BIVM: variants seen among roughly 807,000 people sequenced by gnomAD.
BIVM encodes the protein basic, immunoglobulin-like variable motif containing, also known as basic immunoglobulin-like variable motif-containing protein.
BIVM carries 31 observed loss-of-function variants against 61.4 expected under a neutral mutation model. The observed-to-expected ratio is 0.51, with a 90% CI of 0.38 to 0.68. The LOEUF (loss-of-function observed/expected upper bound fraction) is 0.68. Among genes scored for constraint, BIVM ranks in the 30% least tolerant of loss-of-function variants. BIVM has a pLI of 0.00. For missense variants in BIVM, 526 were observed against 596.0 expected (o/e 0.88, Z 1.22); for synonymous variants, 189 against 210.7 (o/e 0.90, Z 0.89).
At chr13:102,820,177 C>T (rs1226289042) in intron 4 of BIVM, among the ~76,000 whole-genome samples, 1 of 151,842 alleles carries the variant, frequency 6.6e-6, no homozygotes, top group African/African-American at 2.4e-5. Context: ...CATAGTGAAA[C>T]CCTGTCTCTA....
chr13:102,840,118 A>G lies in BIVM; in HGVS notation c.*253A>G. The G allele has an allele frequency of 2.9e-6, 1 of 341,082 alleles. No individual in the cohort carries two copies. Among genetic ancestry groups the G allele is most frequent in the Non-Finnish European group, 5.3e-6 (1 of 189,930 alleles). 21.1% of individuals were successfully genotyped at this position (341,082 alleles called of 1,614,324 possible). On this transcript the variant is annotated 3_prime_UTR_variant, in exon 11 of 11. Transcript: ENST00000257336. ...TATAATCTGGACAGAAAATTTCACA[A>G]AATTCAATAAAATTACAACTGTTGT...
chr13:102,816,778 T>G, intron 4 of BIVM: 1 of 276,440 alleles, frequency 3.6e-6, no homozygotes, highest in Non-Finnish European at 6.4e-6. Context: ...TAGAGTCATC[T>G]GTGTGACTCC....
At chr13:102,812,829 G>A (rs1279534827) in intron 3 of BIVM, among the ~76,000 whole-genome samples, 5 of 152,162 alleles carry the variant, frequency 3.3e-5, no homozygotes, top group African/African-American at 1.2e-4. Flanking sequence ...AGGGAGAGTT[G>A]CAACAATGGC....
chr13:102,833,238 A>G (rs192992016), intron 8 of BIVM, among the ~76,000 whole-genome samples: 27 of 151,892 alleles, frequency 1.8e-4, no homozygotes, highest in East Asian at 1.2e-3. Flanking sequence ...TTTCTGTAAA[A>G]AAAGAAAGAA....
In BIVM at chr13:102,839,943, T is replaced by C. The variant is rs941695502; in HGVS notation, c.*78T>C. On this transcript the variant is annotated 3_prime_UTR_variant, in exon 11 of 11. Transcript: ENST00000257336. ...ACTGTATAAAGACAGTAGAAGATTT[T>C]AGTAAGCCTACATTAAATAGGAGCA... The C allele has an allele frequency of 6.3e-6, 9 of 1,421,438 alleles. No homozygotes were observed. Among genetic ancestry groups the C allele is most frequent in the Non-Finnish European group, 8.5e-6 (9 of 1,059,790 alleles). 88.1% of individuals were successfully genotyped at this position (1,421,438 alleles called of 1,614,324 possible). A position where few individuals can be genotyped will look rare whatever the true frequency, so the allele number is the denominator to read the frequency against.
rs1011556514 is a variant in BIVM at position 102,832,330 on chromosome 13, A to G, written c.1034+633A>G. ...CTCAGCCTCCTGAGTGGCTAGAACT[A>G]CAGGCATGCACCACCATGCCCAGCT... On this transcript the variant is annotated intron_variant, in intron 8 of 10. Transcript: ENST00000257336. 2.6e-5 allele frequency among the ~76,000 whole-genome samples: 4 copies of G among 152,064 alleles called. No homozygotes were observed. The South Asian group carries it at 8.3e-4, about 32-fold the overall frequency.
chr13:102,834,915 A>G (rs527397698), intron 9 of BIVM, among the ~76,000 whole-genome samples: 9 of 152,140 alleles, frequency 5.9e-5, no homozygotes, highest in Non-Finnish European at 1.2e-4. Flanking sequence ...GCTGAGTAGT[A>G]TTCTGTTGCA....
intron 7 of BIVM, among the ~76,000 whole-genome samples, chr13:102,824,232 A>T (rs1386710090): frequency 2.0e-5 from 3 of 152,182 alleles, no homozygotes; most frequent in African/African-American, 7.2e-5. Flanking sequence ...AAGGCACAGT[A>T]ATTAGCAACC....
At chr13:102,827,347 G>A (rs2140486958) in intron 7 of BIVM, among the ~76,000 whole-genome samples, 1 of 151,680 alleles carries the variant, frequency 6.6e-6, no homozygotes, top group Non-Finnish European at 1.5e-5. Flanking sequence ...TGAGGAATGG[G>A]ATAAACTACC....
intron 4 of BIVM, among the ~76,000 whole-genome samples, chr13:102,818,039 A>G (rs931224825): frequency 1.3e-5 from 2 of 152,238 alleles, no homozygotes; most frequent in Admixed American, 6.5e-5. Flanking sequence ...TGTGATGGGT[A>G]TGAATCACTA....
intron 9 of BIVM, among the ~76,000 whole-genome samples, chr13:102,837,392 A>G (rs1318708402): frequency 2.0e-5 from 3 of 152,202 alleles, no homozygotes; most frequent in African/African-American, 7.2e-5. Context: ...AAATTTTTTC[A>G]GTATGGAGTT....
intron 5 of BIVM, 85 bp downstream of exon 5, chr13:102,821,217 G>C: frequency 8.4e-7 from 1 of 1,186,358 alleles, no homozygotes; most frequent in Non-Finnish European, 1.2e-6. Context: ...TTTAAGAATA[G>C]ATTTTTTATA....
chr13:102,801,204 A>G (rs1322979521), intron 1 of BIVM, among the ~76,000 whole-genome samples: 2 of 151,754 alleles, frequency 1.3e-5, no homozygotes, highest in Non-Finnish European at 2.9e-5. Context: ...TGAGTAAGCT[A>G]TTAGTTGAGC....
At chr13:102,828,617 A>C (rs1038013625) in intron 7 of BIVM, among the ~76,000 whole-genome samples, 4 of 152,196 alleles carry the variant, frequency 2.6e-5, no homozygotes, top group African/African-American at 9.7e-5. Flanking sequence ...GTGCTAACAT[A>C]CCCCTTTCCT....
intron 8 of BIVM, among the ~76,000 whole-genome samples, 176 bp downstream of exon 8, chr13:102,831,873 C>CAAAAAAAAAAAA (rs67223159): frequency 9.5e-6 from 1 of 105,582 alleles, no homozygotes; most frequent in African/African-American, 3.6e-5. Flanking sequence ...ACTAAAAATA[C>CAAAAAAAAAAAA]AAAAAAAAAA....
At position 102,799,170 on chromosome 13, in the gene BIVM, C is replaced by T. The variant is rs1595317955; in HGVS notation, c.-558C>T. 2.3e-5 allele frequency: 9 copies of T among 388,434 alleles called. No homozygotes were observed. In the East Asian group the frequency reaches 3.3e-4, roughly 14 times the overall value. The allele number at this position is 388,434 out of a possible 1,614,324, so 24.1% of individuals were successfully genotyped here. On this transcript the variant is annotated 5_prime_UTR_variant, in exon 1 of 11. Transcript: ENST00000257336. ...CTGCCAGGATTTTACCACCTCTCGC[C>T]CATTTATTTACTTCTCGGTCACCGC... is the stretch of plus-strand genomic sequence containing the variant.
At position 102,831,703 on chromosome 13, in the gene BIVM, C is replaced by T. The variant is rs1446932291; in HGVS notation, c.1034+6C>T. The T allele has an allele frequency of 6.2e-7, 1 of 1,613,906 alleles. No individual in the cohort carries two copies. ...AAAGCTAATAAAGCATTCAGGTAAG[C>T]ATTGACGTGTTTTAGAAAGTGCATT... On this transcript the variant is annotated splice_donor_region_variant and intron_variant, in intron 8 of 10. Coordinates refer to ENST00000257336, the MANE Select transcript of BIVM (RefSeq NM_017693.4).
rs1878593769 is a variant in BIVM, at chr13:102,799,497, C to T, written c.-231C>T. 6.6e-6 allele frequency: 1 copy of T among 152,202 alleles called. No homozygotes were observed. The highest frequency in any genetic ancestry group is 1.5e-5 in the Non-Finnish European group (1 of 68,040). The allele number at this position is 152,202 out of a possible 1,614,324, so 9.4% of individuals were successfully genotyped here. The stretch of plus-strand genomic sequence containing the variant: ...CCGGGTTCCGCCGCGGCCGCAGCGA[C>T]CCGACCCCACCCGACAGGCCAGAGG... On this transcript the variant is annotated 5_prime_UTR_variant, in exon 1 of 11. Coordinates refer to ENST00000257336, the MANE Select transcript of BIVM (RefSeq NM_017693.4).
intron 10 of BIVM, 92 bp downstream of exon 10, chr13:102,838,831 A>G: frequency 8.6e-7 from 1 of 1,158,434 alleles, no homozygotes; most frequent in Non-Finnish European, 1.2e-6. Flanking sequence ...AGTAACAGAA[A>G]CCTATATTTG....
Sources: gnomAD v4.1 joint callset for allele counts (sites outside exome capture counted in the v4.1 genomes callset) on GRCh38, gnomAD v4.1.1 for gene constraint, MANE v1.5 for transcripts, NCBI Gene and HGNC (gene_info 2026-07-23, HGNC 2026-07-21) for gene names.